The following LAMB1 variants were observed in gnomAD, a reference collection of about 807,000 sequenced individuals.
LAMB1 encodes laminin subunit beta 1.
Under a neutral mutation model 222.3 loss-of-function variants are expected in LAMB1, and 121 were observed. The observed-to-expected ratio is 0.54, with a 90% CI of 0.47 to 0.63. The LOEUF (loss-of-function observed/expected upper bound fraction) is 0.63. Ranked by LOEUF, LAMB1 falls within the 30% of genes least tolerant of loss-of-function variation. LAMB1 has a pLI of 0.00. For missense variants in LAMB1, 2,172 were observed against 2,240.8 expected (o/e 0.97, Z 0.62); for synonymous variants, 794 against 807.2 (o/e 0.98, Z 0.28).
rs1172779336 is a variant in LAMB1 at position 107,975,370 on chromosome 7, A to G, written c.1233T>C (p.Cys411=). 5 of 1,613,570 alleles carry G rather than the reference A, an allele frequency of 3.1e-6. No individual in the cohort carries two copies. The South Asian group carries it at 5.5e-5, about 18-fold the overall frequency. The change falls in exon 11 of 34, where the codon TGT becomes TGC. Residue 411 remains cysteine, a synonymous_variant. Coordinates refer to ENST00000222399, the MANE Select transcript of LAMB1 (RefSeq NM_002291.3). ...CAGTAGAAAAATCAGTATAGCTGTC[A>G]CAAATTCCCTCATTTTGAGAGCCAG... ...DPAGSQNEGI[C]DSYTDFSTGL...
rs371565827 is a variant in LAMB1 at position 108,002,273 on chromosome 7, G to A, written c.38-540C>T. ...GCTTCGCTGGGGACGAGGCGCCGGG[G>A]CTCGCGGTGGACGCCGCTTTCCGGA... On this transcript the variant is annotated intron_variant, in intron 2 of 33. Transcript: ENST00000222399. 10 of 1,312,020 alleles carry A rather than the reference G, an allele frequency of 7.6e-6. No individual in the cohort carries two copies. The African/African-American group carries it at 1.2e-4, about 15-fold the overall frequency. The allele number at this position is 1,312,020 out of a possible 1,614,324, so 81.3% of individuals were successfully genotyped here.
At position 107,951,342 on chromosome 7, in the gene LAMB1, C is replaced by T; in HGVS notation, c.3295-20G>A. On this transcript the variant is annotated intron_variant, in intron 23 of 33. Transcript: ENST00000222399. ...CGTGAACTGCGGCCAGAACACAGAC[C>T]TTGGTCAAGCAGGCTTCAGGCCAGA... 2 of 1,611,478 alleles carry T rather than the reference C, an allele frequency of 1.2e-6. No individual in the cohort carries two copies. The highest frequency in any genetic ancestry group is 1.3e-5 in the African/African-American group (1 of 74,950).
At position 107,959,355 on chromosome 7, in the gene LAMB1, G is replaced by GAAA. The variant is rs778459186; in HGVS notation, c.2581_2583dup (p.Phe861dup). 3 of 1,614,242 alleles carry GAAA rather than the reference G, an allele frequency of 1.9e-6. No individual in the cohort carries two copies. On this transcript the variant is annotated inframe_insertion, in exon 20 of 34. Transcript: ENST00000222399. ...TTGCACTGGCAGGGCTGGCAACTTG[G>GAAA]AAAGCCCCAGTGCCCAGGTAAGCAC...
At chr7:107,964,477 T>G (rs1267769703) in intron 14 of LAMB1, 75 bp downstream of exon 14, 2 of 1,549,638 alleles carry the variant, frequency 1.3e-6, no homozygotes, top group East Asian at 2.3e-5. Context: ...TGAAATGGGG[T>G]CTTTACAAAG....
At chr7:107,955,910 G>C (rs1196442799) in intron 20 of LAMB1, among the ~76,000 whole-genome samples, 1 of 150,356 alleles carries the variant, frequency 6.7e-6, no homozygotes, top group Non-Finnish European at 1.5e-5. Flanking sequence ...TTTTTTGTTT[G>C]TTTTTGAGAT....
At chr7:107,977,317 G>A (rs2033887001) in intron 9 of LAMB1, among the ~76,000 whole-genome samples, 2 of 152,104 alleles carry the variant, frequency 1.3e-5, no homozygotes, top group African/African-American at 2.4e-5. Flanking sequence ...GGGCAGTGGT[G>A]TTGCCGGCTA....
At position 107,932,184 on chromosome 7, in the gene LAMB1, A is replaced by G. The variant is rs2032726733; in HGVS notation, c.4382T>C (p.Leu1461Pro). ...CATCCACTGAGTTACCATCTTGGAGAGCTGTTCCACTTCAGCCAGGGCACT... is the reference window on the plus strand; with the variant it reads ...CATCCACTGAGTTACCATCTTGGAGGGCTGTTCCACTTCAGCCAGGGCACT... ...VLSALAEVEQ[L>P]SKMVSEAKLR... Residue 1461 changes from leucine (L) to proline (P), a missense_variant, in exon 28 of 34, where the codon CTC becomes CCC. Leu to Pro is a moderately conservative substitution (Grantham distance 98, BLOSUM62 -3). Transcript: ENST00000222399. 1.2e-6 allele frequency: 2 copies of G among 1,614,190 alleles called. No homozygotes were observed. The highest frequency in any genetic ancestry group is 4.5e-5 in the East Asian group (2 of 44,882).
intron 13 of LAMB1, among the ~76,000 whole-genome samples, chr7:107,968,004 A>G (rs1456924121): frequency 6.6e-6 from 1 of 152,154 alleles, no homozygotes; most frequent in Non-Finnish European, 1.5e-5. Context: ...CAGGAATAAC[A>G]GGAGCAAAGA....
Position 107,975,766 on chromosome 7 carries a change from CCCATGGTGTTGTGCT to C in LAMB1, c.1097_1111del (p.Gln366_Gly371delinsArg), listed in dbSNP as rs780537896. On this transcript the variant is annotated inframe_deletion, in exon 10 of 34. Transcript: ENST00000222399. ...CGGCTTGCACTGCTCACAGTTGCGC[CCCATGGTGTTGTGCT>C]GACAGTCATCACACACGCCTCCGCT... is the stretch of plus-strand genomic sequence containing the variant. 1.2e-6 allele frequency: 2 copies of C among 1,613,978 alleles called. No individual in the cohort carries two copies. Among genetic ancestry groups the C allele is most frequent in the Non-Finnish European group, 1.7e-6 (2 of 1,180,000 alleles).
intron 4 of LAMB1, among the ~76,000 whole-genome samples, chr7:107,995,950 C>T (rs1210813448): frequency 4.0e-5 from 6 of 150,502 alleles, no homozygotes; most frequent in Non-Finnish European, 7.4e-5. Flanking sequence ...ATTGAGGGGG[C>T]GGGGGGTGAG....
chr7:107,971,249 A>G (rs1178138135), intron 13 of LAMB1, among the ~76,000 whole-genome samples: 2 of 152,198 alleles, frequency 1.3e-5, no homozygotes, highest in Non-Finnish European at 1.5e-5. Flanking sequence ...TAAGGAGTAC[A>G]TATCTAGTTT....
intron 3 of LAMB1, among the ~76,000 whole-genome samples, chr7:108,000,529 A>G (rs1337397471): frequency 6.6e-6 from 1 of 152,222 alleles, no homozygotes; most frequent in Non-Finnish European, 1.5e-5. Context: ...GTTAGAGGCC[A>G]GAAATATCAG....
chr7:107,979,533 G>A lies in LAMB1; in HGVS notation c.879+1076C>T, dbSNP rs1584526888. On this transcript the variant is annotated intron_variant, in intron 8 of 33. Coordinates refer to ENST00000222399, the MANE Select transcript of LAMB1 (RefSeq NM_002291.3). ...CCTTGGGCTCTATCACCAATAGTTGGTCTAGGTGATCTCATAAGTCCTATC... is the reference window on the plus strand; with the variant it reads ...CCTTGGGCTCTATCACCAATAGTTGATCTAGGTGATCTCATAAGTCCTATC... Among the ~76,000 whole-genome samples the A allele has an allele frequency of 2.0e-5, 3 of 152,240 alleles. No individual in the cohort carries two copies. In the East Asian group the frequency reaches 5.8e-4, roughly 29 times the overall value.
chr7:107,978,478 T>G (rs1473577830), intron 8 of LAMB1, among the ~76,000 whole-genome samples: 1 of 151,246 alleles, frequency 6.6e-6, no homozygotes, highest in Non-Finnish European at 1.5e-5. Flanking sequence ...AAAAACTAGT[T>G]ACTTAAGATT....
intron 23 of LAMB1, 29 bp from the exon 24 acceptor site, chr7:107,951,351 G>A: frequency 6.2e-7 from 1 of 1,602,200 alleles, no homozygotes; most frequent in Non-Finnish European, 8.5e-7. Context: ...CCTTGGTCAA[G>A]CAGGCTTCAG....
At chr7:107,988,606 G>A (rs2034125511) in intron 5 of LAMB1, among the ~76,000 whole-genome samples, 1 of 152,138 alleles carries the variant, frequency 6.6e-6, no homozygotes. Context: ...TTGTGTGTCT[G>A]CAAGTTTCAT....
At chr7:107,993,142 T>C (rs2034217197) in intron 5 of LAMB1, among the ~76,000 whole-genome samples, 1 of 152,104 alleles carries the variant, frequency 6.6e-6, no homozygotes, top group Non-Finnish European at 1.5e-5. Context: ...TTGTACCTAT[T>C]CTTTTTCTCG....
At chr7:107,997,428 TAAAC>T (rs139032514) in intron 4 of LAMB1, among the ~76,000 whole-genome samples, 1,964 of 152,062 alleles carry the variant, frequency 0.013, 33 homozygotes, top group East Asian at 0.04. Flanking sequence ...GCCTCAAAAA[TAAAC>T]AAACAAACAA....
chr7:107,977,597 GACTA>G (rs1406075695), intron 9 of LAMB1, among the ~76,000 whole-genome samples: 1 of 151,994 alleles, frequency 6.6e-6, no homozygotes, highest in Non-Finnish European at 1.5e-5. Context: ...AGACCAGCCT[GACTA>G]ACACGATGAA....
Sources: gnomAD v4.1 joint callset for allele counts (sites outside exome capture counted in the v4.1 genomes callset) on GRCh38, gnomAD v4.1.1 for gene constraint, MANE v1.5 for transcripts, NCBI Gene and HGNC (gene_info 2026-07-23, HGNC 2026-07-21) for gene names.